Variants in GNG7 observed in about 807,000 individuals in gnomAD.
The protein encoded by GNG7 is G protein subunit gamma 7, also known as guanine nucleotide-binding protein G(I)/G(S)/G(O) subunit gamma-7.
A neutral mutation model predicts 4.0 loss-of-function variants in GNG7; 1 was observed. That is an observed-to-expected ratio of 0.25 (90% CI 0.09 to 1.18). GNG7 has a LOEUF of 1.18. GNG7 is among the 50% of genes most tolerant of loss of function. The pLI, the probability that GNG7 is intolerant of heterozygous loss-of-function variation, is 0.50. For synonymous variants in GNG7, 34 were observed against 36.9 expected, an observed-to-expected ratio of 0.92 and a Z score of 0.29; for missense variants, 86 against 91.9, an observed-to-expected ratio of 0.94 and a Z score of 0.26.
At chr19:2,540,636 C>G (rs1315354336) in intron 3 of GNG7, among the ~76,000 whole-genome samples, 2 of 152,156 alleles carry the variant, frequency 1.3e-5, no homozygotes, top group Non-Finnish European at 2.9e-5. Context: ...CCTGGGGGCG[C>G]TGAGGCTGGA....
rs570036397 is a variant in GNG7 at position 2,551,045 on chromosome 19, C to T, written c.-38+4104G>A. 1.4e-4 allele frequency among the ~76,000 whole-genome samples: 22 copies of T among 152,286 alleles called. 1 individual carries two copies. In the South Asian group the frequency reaches 4.3e-3, roughly 30 times the overall value. ...GCATAGGGACCTAATCCCCACGGCA[C>T]GTGGCCACATGGCTGGCAGCTTGAG... On this transcript the variant is annotated intron_variant, in intron 3 of 4. Coordinates refer to ENST00000382159, the MANE Select transcript of GNG7 (RefSeq NM_052847.3).
intron 2 of GNG7, among the ~76,000 whole-genome samples, chr19:2,581,858 G>A (rs113223297): frequency 6.6e-6 from 1 of 152,204 alleles, no homozygotes; most frequent in Non-Finnish European, 1.5e-5. Flanking sequence ...TAGAGAAACA[G>A]AGAATGTCTG....
rs959312289 is a variant in GNG7 at position 2,546,756 on chromosome 19, C to G, written c.-38+8393G>C. Among the ~76,000 whole-genome samples the G allele has an allele frequency of 5.3e-5, 8 of 152,208 alleles. No individual in the cohort carries two copies. The highest frequency in any genetic ancestry group is 3.3e-4 in the Admixed American group (5 of 15,292). ...GGTTTGGTCGCCGCGGTGACGGGAGCAGGAGAAAAGAAAAGCTGCTCTCTG... is the reference window on the plus strand; with the variant it reads ...GGTTTGGTCGCCGCGGTGACGGGAGGAGGAGAAAAGAAAAGCTGCTCTCTG... On this transcript the variant is annotated intron_variant, in intron 3 of 4. Coordinates refer to ENST00000382159, the MANE Select transcript of GNG7 (RefSeq NM_052847.3). The surrounding 1 kb of genome is among the most constrained non-coding windows in gnomAD (Gnocchi z 6.3).
chr19:2,589,617 T>A (rs1449308673), intron 2 of GNG7, among the ~76,000 whole-genome samples: 1 of 151,956 alleles, frequency 6.6e-6, no homozygotes, highest in Non-Finnish European at 1.5e-5. Context: ...GGTCCCCTCC[T>A]CCCATGTCAG....
At chr19:2,524,356 C>T (rs1404933724) in intron 3 of GNG7, among the ~76,000 whole-genome samples, 1 of 152,218 alleles carries the variant, frequency 6.6e-6, no homozygotes, top group African/African-American at 2.4e-5. Context: ...TGTTTATTTG[C>T]ATGTATGTCA....
chr19:2,682,299 G>A (rs1983758530), intron 1 of GNG7, among the ~76,000 whole-genome samples: 1 of 152,158 alleles, frequency 6.6e-6, no homozygotes, highest in Non-Finnish European at 1.5e-5. Context: ...AAATGTGCAA[G>A]GAAACGTGGC....
intron 1 of GNG7, among the ~76,000 whole-genome samples, chr19:2,698,002 C>T (rs2144917589): frequency 6.6e-6 from 1 of 151,678 alleles, no homozygotes; most frequent in South Asian, 2.1e-4. Context: ...TGCGGGGGCT[C>T]ATGCTTATAA....
chr19:2,669,681 G>A (rs1041465453), intron 1 of GNG7, among the ~76,000 whole-genome samples: 2 of 152,104 alleles, frequency 1.3e-5, no homozygotes, highest in African/African-American at 2.4e-5. Context: ...GGCTCAGAGC[G>A]TCGAAAATAT....
At position 2,673,011 on chromosome 19, in the gene GNG7, C is replaced by T. The variant is rs374978848; in HGVS notation, c.-134-26731G>A. 1.1e-4 allele frequency among the ~76,000 whole-genome samples: 16 copies of T among 152,026 alleles called. No individual in the cohort carries two copies. The East Asian group carries it at 3.0e-3, about 28-fold the overall frequency. ...GTGGTTCATGCCTGTAATCCCAGCA[C>T]TTTGGGAGGCCGAGGCGGGCAGATC... On this transcript the variant is annotated intron_variant, in intron 1 of 4. Transcript: ENST00000382159.
Position 2,528,719 on chromosome 19 carries a change from C to T in GNG7, c.-37-7994G>A, listed in dbSNP as rs372630725. On this transcript the variant is annotated intron_variant, in intron 3 of 4. Coordinates refer to ENST00000382159, the MANE Select transcript of GNG7 (RefSeq NM_052847.3). ...AGAAATCTGCCCTTGCTCTACCAAGCTGTGTGGCCTTGGGAAAGTTTCCTT... is the reference window on the plus strand; with the variant it reads ...AGAAATCTGCCCTTGCTCTACCAAGTTGTGTGGCCTTGGGAAAGTTTCCTT... 1.3e-4 allele frequency among the ~76,000 whole-genome samples: 20 copies of T among 152,288 alleles called. No homozygotes were observed. The East Asian group carries it at 2.7e-3, about 21-fold the overall frequency.
chr19:2,636,831 G>A (rs1232535008), intron 2 of GNG7, among the ~76,000 whole-genome samples: 3 of 152,022 alleles, frequency 2.0e-5, no homozygotes, highest in African/African-American at 7.3e-5. Context: ...AGGGGCTCGG[G>A]GGTGACTGAA....
chr19:2,568,982 C>T (rs1361820127), intron 2 of GNG7, among the ~76,000 whole-genome samples: 1 of 148,342 alleles, frequency 6.7e-6, no homozygotes, highest in Admixed American at 6.8e-5. Flanking sequence ...CAAAAACATA[C>T]ACATACACAT....
chr19:2,578,259 T>G (rs1438596267), intron 2 of GNG7, among the ~76,000 whole-genome samples: 1 of 152,092 alleles, frequency 6.6e-6, no homozygotes, highest in Non-Finnish European at 1.5e-5. Flanking sequence ...TAGGCAGAGC[T>G]GGGACAAATC....
At chr19:2,680,207 G>A (rs1983696985) in intron 1 of GNG7, among the ~76,000 whole-genome samples, 1 of 136,708 alleles carries the variant, frequency 7.3e-6, no homozygotes, top group Non-Finnish European at 1.5e-5. Flanking sequence ...GAGTGCAGTT[G>A]TGCGATCTCG....
chr19:2,559,819 G>A (rs1305456671), intron 2 of GNG7, among the ~76,000 whole-genome samples: 1 of 151,138 alleles, frequency 6.6e-6, no homozygotes, highest in African/African-American at 2.4e-5. Flanking sequence ...GCTCAAAGGT[G>A]TCTTCTTGAA....
At chr19:2,627,971 G>A (rs1386363906) in intron 2 of GNG7, among the ~76,000 whole-genome samples, 4 of 152,140 alleles carry the variant, frequency 2.6e-5, no homozygotes, top group East Asian at 1.9e-4. Flanking sequence ...GTGACGGTCC[G>A]GCCCAGGTGA....
chr19:2,671,549 G>C (rs1371378527), intron 1 of GNG7, among the ~76,000 whole-genome samples: 1 of 152,044 alleles, frequency 6.6e-6, no homozygotes, highest in Non-Finnish European at 1.5e-5. Context: ...TCCTGGCTGA[G>C]CTCCGAGGCC....
chr19:2,603,287 G>C (rs995606588), intron 2 of GNG7, among the ~76,000 whole-genome samples: 2 of 152,146 alleles, frequency 1.3e-5, no homozygotes, highest in Non-Finnish European at 2.9e-5. Context: ...GGGTGATCTC[G>C]ATCTCCTGAC....
Position 2,609,090 on chromosome 19 carries a change from G to A in GNG7, c.-78+37134C>T, listed in dbSNP as rs973047089. 4.6e-5 allele frequency among the ~76,000 whole-genome samples: 7 copies of A among 151,850 alleles called. No individual in the cohort carries two copies. The highest frequency in any genetic ancestry group is 1.7e-4 in the African/African-American group (7 of 41,396). On this transcript the variant is annotated intron_variant, in intron 2 of 4. Transcript: ENST00000382159. This position sits in a 1 kb window ranked among gnomAD's most constrained non-coding sequence, Gnocchi z 4.4. ...CTTCCAGGCTGGAGTGCAGTGGTGC[G>A]ATCTTGGCTCACCGCAACCTCTGCC...
Sources: allele counts gnomAD v4.1 joint callset (sites outside exome capture counted in the v4.1 genomes callset), GRCh38; gene constraint gnomAD v4.1.1; non-coding constraint Gnocchi (gnomAD v3.1); transcripts MANE v1.5; gene names NCBI Gene and HGNC (gene_info 2026-07-23, HGNC 2026-07-21).